ANKS1B: variants seen among roughly 807,000 people sequenced by gnomAD.
ANKS1B encodes ankyrin repeat and sterile alpha motif domain-containing protein 1B.
Under a neutral mutation model 148.3 loss-of-function variants are expected in ANKS1B, and 36 were observed. The observed-to-expected ratio is 0.24, with a 90% CI of 0.19 to 0.32. The LOEUF is 0.32. Among genes scored for constraint, ANKS1B ranks in the 10% least tolerant of loss-of-function variants. ANKS1B has a pLI of 1.00. For synonymous variants in ANKS1B, 542 were observed against 560.8 expected (o/e 0.97, Z 0.47); for missense variants, 1,157 against 1,542.6 (o/e 0.75, Z 4.19).
chr12:99,969,108 C>G (rs1345461313), intron 1 of ANKS1B, among the ~76,000 whole-genome samples: 1 of 152,128 alleles, frequency 6.6e-6, no homozygotes, highest in African/African-American at 2.4e-5. Flanking sequence ...ATTAAAATAC[C>G]TTTGAAGACA....
At chr12:99,367,254 A>G (rs1326085850) in intron 12 of ANKS1B, among the ~76,000 whole-genome samples, 1 of 152,150 alleles carries the variant, frequency 6.6e-6, no homozygotes, top group African/African-American at 2.4e-5. Flanking sequence ...AAATTGGGCA[A>G]AAGACGTGGG....
chr12:99,027,012 C>T (rs1228095824), intron 17 of ANKS1B, among the ~76,000 whole-genome samples: 4 of 152,150 alleles, frequency 2.6e-5, no homozygotes, highest in African/African-American at 9.7e-5. Context: ...TGAGTACTCT[C>T]TAATTTACAA....
chr12:99,402,034 T>G (rs576750210), intron 11 of ANKS1B, among the ~76,000 whole-genome samples: 1 of 146,836 alleles, frequency 6.8e-6, no homozygotes, highest in Admixed American at 6.8e-5. Flanking sequence ...AAATATTTAT[T>G]ATGTCTGGCT....
intron 10 of ANKS1B, among the ~76,000 whole-genome samples, chr12:99,491,306 GAA>G (rs34977034): frequency 6.2e-5 from 9 of 144,832 alleles, no homozygotes; most frequent in Admixed American, 2.8e-4. Context: ...CTCCATCTCA[GAA>G]AAAAAAAAAA....
intron 26 of ANKS1B, among the ~76,000 whole-genome samples, chr12:98,750,091 A>G (rs1438323730): frequency 1.3e-5 from 2 of 152,156 alleles, no homozygotes; most frequent in African/African-American, 4.8e-5. Context: ...TCTGTGAAGC[A>G]TCAAGGTGGA....
chr12:99,450,823 G>A (rs1456874089), intron 10 of ANKS1B, among the ~76,000 whole-genome samples: 2 of 152,122 alleles, frequency 1.3e-5, no homozygotes, highest in African/African-American at 2.4e-5. Context: ...CAACACAAAT[G>A]TATTTAATAA....
chr12:99,898,553 C>A (rs1212736468), intron 1 of ANKS1B, among the ~76,000 whole-genome samples: 1 of 152,098 alleles, frequency 6.6e-6, no homozygotes, highest in East Asian at 1.9e-4. Flanking sequence ...GAAAAAAAGC[C>A]CTGGGTAAGC....
chr12:99,423,232 A>G (rs1365048653), intron 11 of ANKS1B, among the ~76,000 whole-genome samples: 1 of 152,194 alleles, frequency 6.6e-6, no homozygotes, highest in Non-Finnish European at 1.5e-5. Context: ...AGATTATGAA[A>G]AAATTCAACA....
chr12:99,046,815 A>G (rs1383474670), intron 17 of ANKS1B, among the ~76,000 whole-genome samples: 2 of 96,596 alleles, frequency 2.1e-5, no homozygotes, highest in Non-Finnish European at 4.5e-5. Flanking sequence ...CTTAAAAAAA[A>G]AGAAAAAAAA....
chr12:99,589,865 T>C (rs748895766), intron 9 of ANKS1B, among the ~76,000 whole-genome samples: 3 of 152,176 alleles, frequency 2.0e-5, no homozygotes, highest in South Asian at 2.1e-4. Flanking sequence ...CTTGAGGTGA[T>C]AGACACCCCA....
chr12:99,955,329 C>A (rs1193043179), intron 1 of ANKS1B, among the ~76,000 whole-genome samples: 1 of 151,796 alleles, frequency 6.6e-6, no homozygotes, highest in East Asian at 1.9e-4. Flanking sequence ...CCCGTCTCTA[C>A]TAAAAATACA....
rs2096802963 is a variant in ANKS1B at position 99,515,057 on chromosome 12, G to GTATA, written c.1273-10420_1273-10417dup. Among the ~76,000 whole-genome samples, 3 of 151,768 alleles carry GTATA rather than the reference G, an allele frequency of 2.0e-5. No individual in the cohort carries two copies. The South Asian group carries it at 6.2e-4, about 32-fold the overall frequency. On this transcript the variant is annotated intron_variant, in intron 9 of 26. Coordinates refer to ENST00000683438, the MANE Select transcript of ANKS1B (RefSeq NM_001352186.2). ...TGCAACTTTTGTGGGTGTATAGCAG[G>GTATA]TATATGTATTTATGTGGTACATTTG...
At chr12:99,978,151 T>C (rs2095650771) in intron 1 of ANKS1B, among the ~76,000 whole-genome samples, 1 of 152,220 alleles carries the variant, frequency 6.6e-6, no homozygotes, top group Non-Finnish European at 1.5e-5. Flanking sequence ...AAAGGTTAAG[T>C]TGCTAAAGTC....
chr12:99,076,933 G>A (rs1384630698), intron 16 of ANKS1B, among the ~76,000 whole-genome samples: 2 of 151,896 alleles, frequency 1.3e-5, no homozygotes, highest in Non-Finnish European at 2.9e-5. Context: ...CACAATATAG[G>A]ACATATGGCC....
intron 9 of ANKS1B, among the ~76,000 whole-genome samples, chr12:99,549,998 G>A (rs1360716577): frequency 8.5e-5 from 13 of 152,176 alleles, no homozygotes; most frequent in Admixed American, 6.5e-4. Flanking sequence ...AAATGGCAGC[G>A]GGCTCCAGCG....
chr12:99,155,158 T>C (rs1262031437), intron 14 of ANKS1B: 2 of 1,443,966 alleles, frequency 1.4e-6, no homozygotes, highest in Non-Finnish European at 1.8e-6. Context: ...AACTATAGCT[T>C]ATAACAGAGC....
At chr12:99,713,949 T>C (rs915966796) in intron 8 of ANKS1B, among the ~76,000 whole-genome samples, 12 of 152,228 alleles carry the variant, frequency 7.9e-5, no homozygotes, top group African/African-American at 2.7e-4. Flanking sequence ...AAATTCTCAC[T>C]AACTTAGTGG....
intron 12 of ANKS1B, among the ~76,000 whole-genome samples, chr12:99,356,206 G>A (rs551026548): frequency 6.6e-6 from 1 of 152,172 alleles, no homozygotes; most frequent in Non-Finnish European, 1.5e-5. Flanking sequence ...GACCTTGTCA[G>A]GGAGGGCACA....
intron 10 of ANKS1B, among the ~76,000 whole-genome samples, chr12:99,456,069 C>G (rs2095843278): frequency 6.6e-6 from 1 of 152,160 alleles, no homozygotes; most frequent in Non-Finnish European, 1.5e-5. Flanking sequence ...GTATCCACAG[C>G]TGAGAGACCT....
Sources: allele counts gnomAD v4.1 joint callset (sites outside exome capture counted in the v4.1 genomes callset), GRCh38; gene constraint gnomAD v4.1.1; transcripts MANE v1.5; gene names NCBI Gene and HGNC (gene_info 2026-07-23, HGNC 2026-07-21).